CNTN4: variants seen among roughly 807,000 people sequenced by gnomAD.
CNTN4 encodes contactin 4.
CNTN4 carries 77 observed loss-of-function variants against 122.5 expected under a neutral mutation model. The observed-to-expected ratio is 0.63, with a 90% CI of 0.52 to 0.76. The LOEUF (loss-of-function observed/expected upper bound fraction) is 0.76, where lower values mean the gene tolerates loss of function less well. CNTN4 is among the 30% of genes least tolerant of loss of function. The pLI, the probability that CNTN4 is intolerant of heterozygous loss-of-function variation, is 0.00. For missense variants in CNTN4, 1,256 were observed against 1,259.1 expected (o/e 1.00, Z 0.04); for synonymous variants, 512 against 447.0 (o/e 1.15, Z -1.83).
chr3:3,006,645 T>C (rs944152481), intron 14 of CNTN4, among the ~76,000 whole-genome samples: 7 of 152,146 alleles, frequency 4.6e-5, no homozygotes, highest in African/African-American at 1.7e-4. Context: ...CTGAGCAAAT[T>C]AGTAAGCAGC....
In CNTN4 at chr3:2,250,509, T is replaced by C. The variant is rs577375312; in HGVS notation, c.-144-88669T>C. On this transcript the variant is annotated intron_variant, in intron 2 of 24. Transcript: ENST00000418658. ...ATTGTAGGATGACTGTAGTTGATAA[T>C]ATATAGCTAGAGGGAGGATATTGAA... Among the ~76,000 whole-genome samples the C allele has an allele frequency of 2.6e-5, 4 of 152,032 alleles. No homozygotes were observed. The South Asian group carries it at 8.3e-4, about 31-fold the overall frequency.
intron 2 of CNTN4, among the ~76,000 whole-genome samples, chr3:2,295,412 A>G (rs2042273961): frequency 7.4e-6 from 1 of 134,784 alleles, no homozygotes; most frequent in Non-Finnish European, 1.6e-5. Flanking sequence ...TTTGATTTGC[A>G]TTTCTCTGAT....
intron 6 of CNTN4, among the ~76,000 whole-genome samples, chr3:2,763,054 G>A (rs879853019): frequency 1.8e-4 from 26 of 147,644 alleles, no homozygotes; most frequent in Non-Finnish European, 3.4e-4. Context: ...CCATTCTCCC[G>A]CCTCAGCCTC....
intron 2 of CNTN4, among the ~76,000 whole-genome samples, chr3:2,315,554 T>C (rs919211273): frequency 6.6e-6 from 1 of 152,068 alleles, no homozygotes; most frequent in African/African-American, 2.4e-5. Context: ...TCTATTTTTT[T>C]CCTCAGAAAT....
intron 2 of CNTN4, among the ~76,000 whole-genome samples, chr3:2,171,117 T>A (rs1041990690): frequency 6.6e-6 from 1 of 152,220 alleles, no homozygotes; most frequent in African/African-American, 2.4e-5. Context: ...ACGAATTCTT[T>A]ATAAACACAA....
intron 13 of CNTN4, among the ~76,000 whole-genome samples, chr3:2,979,678 AGAT>A (rs1013977905): frequency 1.3e-5 from 2 of 152,114 alleles, no homozygotes; most frequent in Non-Finnish European, 2.9e-5. Context: ...ACAATAATAA[AGAT>A]GATTTAAAAT....
At chr3:2,150,746 G>A (rs550138383) in intron 2 of CNTN4, among the ~76,000 whole-genome samples, 33 of 152,274 alleles carry the variant, frequency 2.2e-4, no homozygotes, top group Admixed American at 1.8e-3. Context: ...GAAGAGCAGG[G>A]CACTCTCCTG....
At chr3:2,400,344 A>G (rs1485382117) in intron 3 of CNTN4, among the ~76,000 whole-genome samples, 1 of 147,402 alleles carries the variant, frequency 6.8e-6, no homozygotes, top group Non-Finnish European at 1.5e-5. Context: ...AAAGAAATAT[A>G]TATATATATG....
chr3:2,166,847 C>A (rs2036214439), intron 2 of CNTN4, among the ~76,000 whole-genome samples: 1 of 151,738 alleles, frequency 6.6e-6, no homozygotes, highest in African/African-American at 2.4e-5. Flanking sequence ...CAGTGAAATA[C>A]AAATAAGATG....
At chr3:2,119,746 A>G (rs2033596845) in intron 2 of CNTN4, among the ~76,000 whole-genome samples, 1 of 151,964 alleles carries the variant, frequency 6.6e-6, no homozygotes, top group South Asian at 2.1e-4. Flanking sequence ...ATCAAGTGCT[A>G]CTAAGCCGTA....
chr3:2,343,059 T>C (rs1575418814), intron 3 of CNTN4, among the ~76,000 whole-genome samples: 1 of 152,210 alleles, frequency 6.6e-6, no homozygotes, highest in Admixed American at 6.5e-5. Flanking sequence ...CAGTGAGTGG[T>C]GAATTTTATG....
At chr3:3,042,445 G>A in intron 21 of CNTN4, 23 bp downstream of exon 21, 3 of 1,467,730 alleles carry the variant, frequency 2.0e-6, no homozygotes, top group Non-Finnish European at 2.9e-6. Flanking sequence ...TATGTGCCTT[G>A]GGTCTGAAAG....
intron 12 of CNTN4, among the ~76,000 whole-genome samples, chr3:2,925,022 G>A (rs929396672): frequency 3.9e-5 from 6 of 152,030 alleles, no homozygotes; most frequent in Admixed American, 6.6e-5. Flanking sequence ...TTGTTCACTT[G>A]AACATACAAT....
chr3:2,250,899 A>T (rs1176599838), intron 2 of CNTN4, among the ~76,000 whole-genome samples: 4 of 151,888 alleles, frequency 2.6e-5, no homozygotes, highest in Non-Finnish European at 5.9e-5. Context: ...AGTTCTAGTT[A>T]ATGAAGAAAA....
chr3:2,500,617 A>ACT, intron 3 of CNTN4, among the ~76,000 whole-genome samples: 1 of 152,086 alleles, frequency 6.6e-6, no homozygotes, highest in South Asian at 2.1e-4. Flanking sequence ...CACTAATATG[A>ACT]TTGGTTACTT....
chr3:2,706,368 A>T (rs1166931944), intron 4 of CNTN4, among the ~76,000 whole-genome samples: 1 of 152,142 alleles, frequency 6.6e-6, no homozygotes, highest in Admixed American at 6.5e-5. Context: ...AGGAAAAATG[A>T]TGCATGAGGA....
chr3:2,903,872 A>T (rs542316931), intron 12 of CNTN4, among the ~76,000 whole-genome samples: 1 of 152,214 alleles, frequency 6.6e-6, no homozygotes, highest in Non-Finnish European at 1.5e-5. Context: ...AGCACATAGT[A>T]TGCACTCAAT....
chr3:2,169,485 C>T (rs183344998), intron 2 of CNTN4, among the ~76,000 whole-genome samples: 38 of 152,162 alleles, frequency 2.5e-4, no homozygotes, highest in Middle Eastern at 3.4e-3. Flanking sequence ...CGGCTCACTG[C>T]AAGCTCCGCC....
chr3:2,400,430 T>TATATATAC (rs1553640940), intron 3 of CNTN4, among the ~76,000 whole-genome samples: 420 of 68,478 alleles, frequency 6.1e-3, no homozygotes, highest in Middle Eastern at 0.016. Flanking sequence ...TATATATACA[T>TATATATAC]ATATATATAT....
Sources: allele counts gnomAD v4.1 joint callset (sites outside exome capture counted in the v4.1 genomes callset), GRCh38; gene constraint gnomAD v4.1.1; transcripts MANE v1.5; gene names NCBI Gene and HGNC (gene_info 2026-07-23, HGNC 2026-07-21).